Variants in SORCS1 observed in about 807,000 individuals in gnomAD.
SORCS1 encodes the protein sortilin related VPS10 domain containing receptor 1, also known as VPS10 domain-containing receptor SorCS1.
In SORCS1, 60 loss-of-function variants were observed where a neutral mutation model predicts 146.1. That is an observed-to-expected ratio of 0.41 (90% confidence interval 0.33 to 0.51). The LOEUF is 0.51. SORCS1 is among the 20% of genes least tolerant of loss of function. SORCS1 has a pLI of 0.21. For synonymous variants in SORCS1, 637 were observed against 584.0 expected (o/e 1.09, Z -1.31); for missense variants, 1,352 against 1,487.6 (o/e 0.91, Z 1.50).
intron 2 of SORCS1, among the ~76,000 whole-genome samples, chr10:106,834,516 AAC>A (rs2137058873): frequency 6.6e-6 from 1 of 152,314 alleles, no homozygotes; most frequent in Admixed American, 6.5e-5. Context: ...TGTTCTGAGC[AAC>A]ACACTTGGGG....
chr10:107,062,540 T>C (rs1393899459), intron 1 of SORCS1, among the ~76,000 whole-genome samples: 2 of 152,146 alleles, frequency 1.3e-5, no homozygotes, highest in Admixed American at 1.3e-4. Flanking sequence ...CTAGAACTCT[T>C]GATCACCCAT....
intron 24 of SORCS1, among the ~76,000 whole-genome samples, chr10:106,590,003 T>C (rs1845505196): frequency 6.6e-6 from 1 of 152,168 alleles, no homozygotes; most frequent in South Asian, 2.1e-4. Flanking sequence ...TACTAGCATA[T>C]TATTTTTCCT....
intron 9 of SORCS1, among the ~76,000 whole-genome samples, chr10:106,692,353 C>A (rs561449350): frequency 6.6e-6 from 1 of 152,314 alleles, no homozygotes; most frequent in African/African-American, 2.4e-5. Context: ...AGGTGTGAGC[C>A]ACAGCGCCAG....
rs1306509415 is a variant in SORCS1, at chr10:106,776,552, T to C, written c.867A>G (p.Ala289=). Residue 289 remains alanine (A), a synonymous_variant, in exon 4 of 26, where the codon GCA becomes GCG. Coordinates refer to ENST00000263054, the MANE Select transcript of SORCS1 (RefSeq NM_052918.5). ...FHPKQEDWIL[A]YSQDQKLYSS... ...TGCTCACCTTTTGGTCTTGACTGTA[T>C]GCCAGAATCCAGTCTTCTTGTTTGG... is the stretch of plus-strand genomic sequence containing the variant. The C allele has an allele frequency of 6.2e-7, 1 of 1,614,052 alleles. No individual in the cohort carries two copies. The highest frequency in any genetic ancestry group is 1.1e-5 in the South Asian group (1 of 91,084).
intron 23 of SORCS1, among the ~76,000 whole-genome samples, chr10:106,605,870 G>A (rs1846539863): frequency 6.6e-6 from 1 of 152,092 alleles, no homozygotes; most frequent in Admixed American, 6.5e-5. Context: ...GCTAGGAGGT[G>A]GGCCATGCCA....
intron 2 of SORCS1, among the ~76,000 whole-genome samples, chr10:106,851,036 A>C (rs552538960): frequency 7.9e-5 from 12 of 152,240 alleles, no homozygotes; most frequent in African/African-American, 2.9e-4. Context: ...CACTGCCACT[A>C]CCTTAATCCT....
In SORCS1 at chr10:106,784,548, C is replaced by T. The variant is rs75286355; in HGVS notation, c.727-7856G>A. Among the ~76,000 whole-genome samples, 289 of 152,204 alleles carry T rather than the reference C, an allele frequency of 1.9e-3. 1 individual carries two copies. The highest frequency in any genetic ancestry group is 6.4e-3 in the African/African-American group (265 of 41,526). On this transcript the variant is annotated intron_variant, in intron 3 of 25. Coordinates refer to ENST00000263054, the MANE Select transcript of SORCS1 (RefSeq NM_052918.5). Reference sequence around the variant, plus strand: ...AAAAATCTCATTATCCTATAGCCTCCGTTCCAACCCAATCAGAACACACTT... The same window carrying T: ...AAAAATCTCATTATCCTATAGCCTCTGTTCCAACCCAATCAGAACACACTT...
intron 5 of SORCS1, among the ~76,000 whole-genome samples, chr10:106,751,943 TGAAAA>T (rs1020589319): frequency 5.9e-5 from 9 of 152,090 alleles, no homozygotes. Context: ...TAGAAGGAAA[TGAAAA>T]GAAGACAATA....
chr10:106,986,544 GTGTGTC>G (rs1956483820), intron 1 of SORCS1, among the ~76,000 whole-genome samples: 1 of 137,746 alleles, frequency 7.3e-6, no homozygotes, highest in African/African-American at 2.6e-5. Flanking sequence ...GTGTGTGTGT[GTGTGTC>G]TGTGAGTGTG....
intron 10 of SORCS1, among the ~76,000 whole-genome samples, chr10:106,682,750 T>C (rs531664450): frequency 6.6e-6 from 1 of 152,280 alleles, no homozygotes; most frequent in African/African-American, 2.4e-5. Context: ...AGTACCTACA[T>C]ATGCTAATAG....
intron 1 of SORCS1, among the ~76,000 whole-genome samples, chr10:107,099,845 GATTA>G (rs1964796445): frequency 6.6e-6 from 1 of 152,172 alleles, no homozygotes; most frequent in Non-Finnish European, 1.5e-5. Flanking sequence ...TGAAGTAAGA[GATTA>G]ATTAGCAAAA....
chr10:106,944,962 T>TGCAACCTC (rs1208275677), intron 2 of SORCS1, among the ~76,000 whole-genome samples: 26 of 145,014 alleles, frequency 1.8e-4, no homozygotes, highest in African/African-American at 6.1e-4. Context: ...CTTGGCTCAC[T>TGCAACCTC]GCAACCTCTG....
intron 1 of SORCS1, among the ~76,000 whole-genome samples, chr10:107,122,762 C>T (rs1966480524): frequency 6.6e-6 from 1 of 152,004 alleles, no homozygotes; most frequent in African/African-American, 2.4e-5. Context: ...CGATTTAGCA[C>T]TTGTCTTCTC....
chr10:106,611,623 G>A (rs1011015083), intron 22 of SORCS1, among the ~76,000 whole-genome samples: 1 of 152,154 alleles, frequency 6.6e-6, no homozygotes, highest in Non-Finnish European at 1.5e-5. Flanking sequence ...GTGGACAAAG[G>A]AGTTTAGGAT....
chr10:106,726,533 T>C (rs1856204810), intron 6 of SORCS1, among the ~76,000 whole-genome samples: 1 of 151,392 alleles, frequency 6.6e-6, no homozygotes, highest in African/African-American at 2.4e-5. Context: ...TCACAGAGAG[T>C]GATGGCCTCA....
intron 24 of SORCS1, among the ~76,000 whole-genome samples, chr10:106,584,635 C>G (rs1845114277): frequency 6.6e-6 from 1 of 152,200 alleles, no homozygotes; most frequent in Non-Finnish European, 1.5e-5. Context: ...AAGCCTCATG[C>G]CTTTTAGGGA....
chr10:106,966,041 A>G (rs1189269384), intron 1 of SORCS1, among the ~76,000 whole-genome samples: 1 of 152,214 alleles, frequency 6.6e-6, no homozygotes, highest in Non-Finnish European at 1.5e-5. Context: ...TTCCATTTAA[A>G]TTACTGGAGA....
intron 1 of SORCS1, among the ~76,000 whole-genome samples, chr10:107,068,191 C>T (rs1282628826): frequency 6.6e-6 from 1 of 152,146 alleles, no homozygotes; most frequent in Non-Finnish European, 1.5e-5. Flanking sequence ...TTTCGGGAAG[C>T]CTTTTACTGC....
At chr10:107,090,390 T>C (rs112368945) in intron 1 of SORCS1, among the ~76,000 whole-genome samples, 1 of 152,300 alleles carries the variant, frequency 6.6e-6, no homozygotes, top group African/African-American at 2.4e-5. Context: ...ATTTTGAGCA[T>C]TGTCCCTGTA....
Sources: gnomAD v4.1 joint callset for allele counts (sites outside exome capture counted in the v4.1 genomes callset) on GRCh38, gnomAD v4.1.1 for gene constraint, MANE v1.5 for transcripts, NCBI Gene and HGNC (gene_info 2026-07-23, HGNC 2026-07-21) for gene names.